Variants in TMEM260 observed in about 807,000 individuals in gnomAD.
The protein encoded by TMEM260 is transmembrane protein 260, also known as protein O-mannosyl-transferase TMEM260.
TMEM260 carries 82 observed loss-of-function variants against 88.9 expected under a neutral mutation model. The observed-to-expected ratio is 0.92, with a 90% CI of 0.77 to 1.11. The LOEUF (loss-of-function observed/expected upper bound fraction) is 1.11. Among genes scored for constraint, TMEM260 ranks in the 50% least tolerant of loss-of-function variants. TMEM260 has a pLI of 0.00. For synonymous variants in TMEM260, 314 were observed against 309.3 expected, an observed-to-expected ratio of 1.02 and a Z score of -0.16; for missense variants, 902 against 853.4, an observed-to-expected ratio of 1.06 and a Z score of -0.71.
downstream of TMEM260, among the ~76,000 whole-genome samples, chr14:56,653,601 G>T (rs1320018807): frequency 2.0e-5 from 3 of 151,712 alleles, no homozygotes; most frequent in East Asian, 3.9e-4. Flanking sequence ...GGGCGAGGTG[G>T]TGCGCACCTT....
chr14:56,628,520 A>G (rs530083492), intron 12 of TMEM260, among the ~76,000 whole-genome samples: 4 of 152,176 alleles, frequency 2.6e-5, no homozygotes, highest in South Asian at 2.1e-4. Context: ...TATGAGTTCT[A>G]TAGTTTTGTT....
At chr14:56,619,317 C>T (rs893375468) in intron 10 of TMEM260, 2 of 152,710 alleles carry the variant, frequency 1.3e-5, no homozygotes, top group African/African-American at 4.8e-5. Context: ...ACTATGGACA[C>T]ATGCCACCAT....
At position 56,636,482 on chromosome 14, in the gene TMEM260, A is replaced by G. The variant is rs374187692; in HGVS notation, c.1779-26A>G. 1.5e-5 allele frequency: 24 copies of G among 1,600,070 alleles called. No individual in the cohort carries two copies. The Admixed American group carries it at 2.3e-4, about 16-fold the overall frequency. ...ATGTGCAATTGACTGTATGATTTTAATGAAGGTTCCTATCCCCACCCCCAG... is the reference window on the plus strand; with the variant it reads ...ATGTGCAATTGACTGTATGATTTTAGTGAAGGTTCCTATCCCCACCCCCAG... On this transcript the variant is annotated intron_variant, in intron 14 of 15. Coordinates refer to ENST00000261556, the MANE Select transcript of TMEM260 (RefSeq NM_017799.4).
Position 56,621,596 on chromosome 14 carries a change from C to G in TMEM260, c.1292C>G (p.Pro431Arg), listed in dbSNP as rs770403795. The change falls in exon 11 of 16, where the codon CCT becomes CGT. Residue 431 changes from proline to arginine, a missense_variant. Physicochemically the swap from Pro to Arg is moderately radical, Grantham distance 103 (BLOSUM62 -2). Coordinates refer to ENST00000261556, the MANE Select transcript of TMEM260 (RefSeq NM_017799.4). ...GCAAAGAACCTTCTCACCTCTATGC[C>G]TCATGATGCAATTATCTTACTCAGA... ...KFAKNLLTSM[P>R]HDAIILLRGD... 6.2e-7 allele frequency: 1 copy of G among 1,613,496 alleles called. No homozygotes were observed. The highest frequency in any genetic ancestry group is 8.5e-7 in the Non-Finnish European group (1 of 1,179,728).
intron 15 of TMEM260, 142 bp from the exon 16 acceptor site, chr14:56,647,101 A>T: frequency 1.1e-6 from 1 of 877,270 alleles, no homozygotes. Flanking sequence ...GGTTCTCTGC[A>T]TGGCTTAGCA....
chr14:56,590,095 ATC>A (rs1440985118), intron 3 of TMEM260, among the ~76,000 whole-genome samples: 9 of 152,206 alleles, frequency 5.9e-5, no homozygotes, highest in African/African-American at 1.4e-4. Flanking sequence ...TCAGGAGAAT[ATC>A]TGTCTTGATC....
chr14:56,614,727 C>T (rs1887496711), intron 7 of TMEM260, among the ~76,000 whole-genome samples: 1 of 118,070 alleles, frequency 8.5e-6, no homozygotes, highest in South Asian at 2.6e-4. Flanking sequence ...ACCCACACTT[C>T]TGTGTTCTGT....
chr14:56,638,738 T>A (rs1285256901), intron 15 of TMEM260, among the ~76,000 whole-genome samples: 1 of 152,166 alleles, frequency 6.6e-6, no homozygotes, highest in Non-Finnish European at 1.5e-5. Flanking sequence ...TTCTGCTGTT[T>A]ATATTATCCT....
At chr14:56,635,805 A>G (rs1421294632) in intron 14 of TMEM260, among the ~76,000 whole-genome samples, 1 of 152,018 alleles carries the variant, frequency 6.6e-6, no homozygotes, top group Non-Finnish European at 1.5e-5. Context: ...AGGTTTTTAA[A>G]GAGTGGTCAA....
Position 56,625,304 on chromosome 14 carries a change from T to G in TMEM260, c.1399-78T>G, listed in dbSNP as rs1371321323. On this transcript the variant is annotated intron_variant, in intron 11 of 15. Transcript: ENST00000261556. The stretch of plus-strand genomic sequence containing the variant: ...GGTTGGTGCAAAAGTAATTTAGGTT[T>G]TTGCCATTACTTGATAAACTTGATT... 4 of 1,447,808 alleles carry G rather than the reference T, an allele frequency of 2.8e-6. No homozygotes were observed. In the African/African-American group the frequency reaches 5.7e-5, roughly 21 times the overall value. The allele number at this position is 1,447,808 out of a possible 1,614,324, so 89.7% of individuals were successfully genotyped here.
At chr14:56,586,336 T>G (rs1266937402) in intron 3 of TMEM260, among the ~76,000 whole-genome samples, 1 of 152,192 alleles carries the variant, frequency 6.6e-6, no homozygotes, top group African/African-American at 2.4e-5. Context: ...TATGAACATG[T>G]TGTATACTTT....
rs28738946 is a variant in TMEM260, at chr14:56,596,782, A to G, written c.345-7033A>G. Among the ~76,000 whole-genome samples, 29 of 86,308 alleles carry G rather than the reference A, an allele frequency of 3.4e-4. No homozygotes were observed. In the East Asian group the frequency reaches 0.02, roughly 60 times the overall value. The allele number at this position is 86,308 out of a possible 152,430, so 56.6% of individuals were successfully genotyped here. A position where few individuals can be genotyped will look rare whatever the true frequency, so the allele number is the denominator to read the frequency against. On this transcript the variant is annotated intron_variant, in intron 3 of 15. Transcript: ENST00000261556. ...GTCTCTGTCTCAAAAAAAAAAAAAA[A>G]TTAAAAAAAAAAATATATATATATA...
downstream of TMEM260, among the ~76,000 whole-genome samples, chr14:56,652,862 A>G (rs999970411): frequency 6.6e-6 from 1 of 152,216 alleles, no homozygotes. Context: ...CCATTAACCT[A>G]TGCAGTCGCC....
chr14:56,622,922 G>C (rs530977304), intron 11 of TMEM260, among the ~76,000 whole-genome samples: 52 of 152,216 alleles, frequency 3.4e-4, no homozygotes, highest in Admixed American at 1.3e-3. Context: ...CTTCAGTCTA[G>C]ATTCTGACAA....
chr14:56,636,143 C>G (rs1314322442), intron 14 of TMEM260, among the ~76,000 whole-genome samples: 3 of 152,190 alleles, frequency 2.0e-5, no homozygotes, highest in African/African-American at 7.2e-5. Flanking sequence ...ACTGGGCACA[C>G]ATGGCATGAG....
the TMEM260 span, among the ~76,000 whole-genome samples, chr14:56,657,800 C>T: frequency 2.7e-4 from 41 of 152,204 alleles, no homozygotes; most frequent in African/African-American, 9.9e-4. Flanking sequence ...CAAAGGGCTT[C>T]ACTGGACCCA....
chr14:56,602,826 G>T (rs1886659264), intron 3 of TMEM260, among the ~76,000 whole-genome samples: 1 of 152,088 alleles, frequency 6.6e-6, no homozygotes, highest in Admixed American at 6.6e-5. Context: ...TAAAAATAAT[G>T]ATTGACTAAA....
chr14:56,617,897 C>T (rs548534332), intron 9 of TMEM260, among the ~76,000 whole-genome samples: 8 of 152,304 alleles, frequency 5.3e-5, no homozygotes, highest in East Asian at 1.9e-4. Flanking sequence ...TACAGTACAA[C>T]GGGTGGGAGA....
chr14:56,624,426 T>A (rs1888114153), intron 11 of TMEM260, among the ~76,000 whole-genome samples: 1 of 152,064 alleles, frequency 6.6e-6, no homozygotes, highest in Admixed American at 6.6e-5. Flanking sequence ...ATACAAAAAT[T>A]ATTCTGGTGT....
Sources: allele counts gnomAD v4.1 joint callset (sites outside exome capture counted in the v4.1 genomes callset), GRCh38; gene constraint gnomAD v4.1.1; transcripts MANE v1.5; gene names NCBI Gene and HGNC (gene_info 2026-07-23, HGNC 2026-07-21).